ASB10: variants seen among roughly 807,000 people sequenced by gnomAD.
ASB10 encodes ankyrin repeat and SOCS box protein 10.
A neutral mutation model predicts 35.4 loss-of-function variants in ASB10; 44 were observed. The observed-to-expected ratio is 1.24, with a 90% CI of 0.98 to 1.60. The LOEUF (loss-of-function observed/expected upper bound fraction) is 1.60. ASB10 is among the 40% of genes most tolerant of loss of function. The pLI is 0.00. For missense variants in ASB10, 647 were observed against 634.3 expected, an observed-to-expected ratio of 1.02 and a Z score of -0.22; for synonymous variants, 294 against 280.4, an observed-to-expected ratio of 1.05 and a Z score of -0.49.
chr7:151,186,322 A>G (rs1563576110), intron 2 of ASB10, 70 bp downstream of exon 2: 3 of 1,483,986 alleles, frequency 2.0e-6, no homozygotes, highest in Non-Finnish European at 2.7e-6. Flanking sequence ...ATTTTCCCCC[A>G]TCCTCCCTGA....
At chr7:151,178,215 C>T (rs900822941) in intron 3 of ASB10, among the ~76,000 whole-genome samples, 8 of 151,986 alleles carry the variant, frequency 5.3e-5, no homozygotes, top group African/African-American at 1.5e-4. Flanking sequence ...TGCCACGGCA[C>T]GTGTGGGCGA....
upstream of ASB10, chr7:151,187,772 G>A: frequency 6.9e-7 from 1 of 1,449,474 alleles, no homozygotes; most frequent in Non-Finnish European, 9.1e-7. This position sits in a 1 kb window ranked among gnomAD's most constrained non-coding sequence, Gnocchi z 5.3. Flanking sequence ...GATGTTGCTG[G>A]TGGACTGGGC....
chr7:151,178,119 T>G (rs1801422766), intron 3 of ASB10, among the ~76,000 whole-genome samples: 1 of 152,192 alleles, frequency 6.6e-6, no homozygotes, highest in South Asian at 2.1e-4. Flanking sequence ...GGTAGTGGCA[T>G]GCACCTTTAA....
Position 151,186,547 on chromosome 7 carries a change from G to A in ASB10, c.429C>T (p.Asp143=), listed in dbSNP as rs908078235. 2.5e-6 allele frequency: 4 copies of A among 1,604,232 alleles called. No individual in the cohort carries two copies. Among genetic ancestry groups the A allele is most frequent in the East Asian group, 2.3e-5 (1 of 44,412 alleles). ...RLLLRRRARP[D]SAPGGRTALH... The stretch of plus-strand genomic sequence containing the variant: ...GGGCGGTGCGGCCCCCAGGGGCACT[G>A]TCTGGCCTTGCTCGCCGCCTCAGCA... Residue 143 remains aspartate (D), a synonymous_variant, in exon 2 of 6, where the codon GAC becomes GAT. Coordinates refer to ENST00000420175, the MANE Select transcript of ASB10 (RefSeq NM_001142459.2).
intron 2 of ASB10, among the ~76,000 whole-genome samples, chr7:151,181,863 C>T (rs1013947913): frequency 6.6e-6 from 1 of 152,164 alleles, no homozygotes; most frequent in Non-Finnish European, 1.5e-5. Context: ...ATCCACCTGC[C>T]TCGGCCTCCC....
At chr7:151,179,164 AG>A (rs1358882471) in intron 3 of ASB10, among the ~76,000 whole-genome samples, 2 of 152,262 alleles carry the variant, frequency 1.3e-5, no homozygotes, top group Non-Finnish European at 2.9e-5. Flanking sequence ...GTTAAGCACT[AG>A]GCTTGATGTG....
rs1027713259 is a variant in ASB10, at chr7:151,187,085, GC to G, written c.45del (p.Glu15AspfsTer91). 4.4e-6 allele frequency: 7 copies of G among 1,604,198 alleles called. No homozygotes were observed. In the African/African-American group the frequency reaches 8.0e-5, roughly 18 times the overall value. The part of the protein sequence containing the change: ...WSPEECKGQG[E>X]PLDDRHPLCA... The stretch of plus-strand genomic sequence containing the variant: ...CAGAGGGGGTGTCTGTCATCGAGGG[GC>G]TCTCCCTGCCCCTTGCACTCTTCTG... On this transcript the variant is annotated frameshift_variant, in exon 1 of 6. Transcript: ENST00000420175. LOFTEE classifies it high-confidence loss of function. This position sits in a 1 kb window ranked among gnomAD's most constrained non-coding sequence, Gnocchi z 5.3.
Position 151,186,428 on chromosome 7 carries a change from C to T in ASB10, c.548G>A (p.Arg183His), listed in dbSNP as rs1363117706. The change falls in exon 2 of 6, where the codon CGC (arginine) becomes CAC (histidine). Residue 183 changes from arginine (R) to histidine (H), a missense_variant. By Grantham distance (29) the Arg-to-His change is conservative. Transcript: ENST00000420175. ...DPNIADQDGK[R>H]PLHLCRGPGT... ...AGGCCCCCGGCAGAGATGCAGGGGG[C>T]GTTTCCCATCCTGGTCAGCGATGTT... The T allele has an allele frequency of 9.4e-6, 15 of 1,587,416 alleles. No homozygotes were observed. Among genetic ancestry groups the T allele is most frequent in the Admixed American group, 1.8e-5 (1 of 56,126 alleles).
upstream of ASB10, chr7:151,187,681 A>T: frequency 1.3e-6 from 2 of 1,503,674 alleles, no homozygotes; most frequent in Admixed American, 2.1e-5. The surrounding 1 kb of genome is among the most constrained non-coding windows in gnomAD (Gnocchi z 5.3). Flanking sequence ...GGCACCCCAG[A>T]TGGTGTCCCC....
At position 151,185,549 on chromosome 7, in the gene ASB10, C is replaced by G. The variant is rs566050220; in HGVS notation, c.584+843G>C. Among the ~76,000 whole-genome samples the G allele has an allele frequency of 5.3e-5, 8 of 152,252 alleles. No individual in the cohort carries two copies. In the South Asian group the frequency reaches 1.7e-3, roughly 32 times the overall value. On this transcript the variant is annotated intron_variant, in intron 2 of 5. Transcript: ENST00000420175. Reference sequence around the variant, plus strand: ...AGTATGATTAAGCCTGTGGAATCCTCTAGAGGCTGATGAGATTAACAAGAA... The same window carrying G: ...AGTATGATTAAGCCTGTGGAATCCTGTAGAGGCTGATGAGATTAACAAGAA...
Position 151,181,055 on chromosome 7 carries a change from G to T in ASB10, c.988C>A (p.Pro330Thr), listed in dbSNP as rs1000040994. The T allele has an allele frequency of 8.1e-6, 13 of 1,612,348 alleles. No individual in the cohort carries two copies. Among genetic ancestry groups the T allele is most frequent in the South Asian group, 3.3e-5 (3 of 91,080 alleles). ...ANTMDYGGHTPLHCALQGPAA... is the reference protein window; with the variant it reads ...ANTMDYGGHTTLHCALQGPAA... The stretch of plus-strand genomic sequence containing the variant: ...GGGCCCTGCAGAGCACAGTGCAGGG[G>T]CGTGTGTCCCCCATAGTCCATGGTG... Residue 330 changes from proline (P) to threonine (T), a missense_variant, in exon 3 of 6, where the codon CCC (proline) becomes ACC (threonine). Physicochemically the swap from Pro to Thr is conservative, Grantham distance 38. Coordinates refer to ENST00000420175, the MANE Select transcript of ASB10 (RefSeq NM_001142459.2).
chr7:151,176,364 G>C, intron 4 of ASB10, 67 bp from the exon 5 acceptor site: 1 of 1,502,422 alleles, frequency 6.7e-7, no homozygotes, highest in Non-Finnish European at 8.9e-7. Flanking sequence ...CCTCCTCACA[G>C]GGTAGGCTGG....
chr7:151,184,991 C>T (rs1366611403), intron 2 of ASB10, among the ~76,000 whole-genome samples: 2 of 151,954 alleles, frequency 1.3e-5, no homozygotes, highest in Non-Finnish European at 2.9e-5. Flanking sequence ...CACTGCACTC[C>T]AGCCTGGGCG....
At chr7:151,183,931 T>C (rs1265524859) in intron 2 of ASB10, among the ~76,000 whole-genome samples, 1 of 152,120 alleles carries the variant, frequency 6.6e-6, no homozygotes, top group Non-Finnish European at 1.5e-5. Flanking sequence ...ACTTTGGATA[T>C]GTTGTGTTAA....
chr7:151,176,540 T>G (rs1435554024), intron 4 of ASB10, 23 bp downstream of exon 4: 7 of 1,541,182 alleles, frequency 4.5e-6, no homozygotes, highest in Non-Finnish European at 6.1e-6. Context: ...AGAAGCTCTA[T>G]GTTCAGGGCC....
rs765243641 is a variant in ASB10 at position 151,181,066 on chromosome 7, C to T, written c.977G>A (p.Gly326Glu). The change falls in exon 3 of 6, where the codon GGG becomes GAG. Residue 326 changes from glycine (G) to glutamate (E), a missense_variant. By Grantham distance (98) the Gly-to-Glu change is moderately conservative. Coordinates refer to ENST00000420175, the MANE Select transcript of ASB10 (RefSeq NM_001142459.2). ...CGVSANTMDY[G>E]GHTPLHCALQ... Reference sequence around the variant, plus strand: ...AGCACAGTGCAGGGGCGTGTGTCCCCCATAGTCCATGGTGTTGGCGCTGAC... The same window carrying T: ...AGCACAGTGCAGGGGCGTGTGTCCCTCATAGTCCATGGTGTTGGCGCTGAC... 9 of 1,612,418 alleles carry T rather than the reference C, an allele frequency of 5.6e-6. No individual in the cohort carries two copies. Among genetic ancestry groups the T allele is most frequent in the African/African-American group, 1.3e-5 (1 of 74,930 alleles).
At position 151,187,225 on chromosome 7, in the gene ASB10, G is replaced by T. The variant is rs1801618050; in HGVS notation, c.-95C>A. The stretch of plus-strand genomic sequence containing the variant: ...GGAGGGAAATACAGACAGACAGAAG[G>T]CCCCTGTGTCCCACGCTCCGAGGCT... On this transcript the variant is annotated 5_prime_UTR_variant, in exon 1 of 6. Coordinates refer to ENST00000420175, the MANE Select transcript of ASB10 (RefSeq NM_001142459.2). This position sits in a 1 kb window ranked among gnomAD's most constrained non-coding sequence, Gnocchi z 5.3. 7 of 1,538,154 alleles carry T rather than the reference G, an allele frequency of 4.6e-6. No homozygotes were observed. The highest frequency in any genetic ancestry group is 1.4e-5 in the African/African-American group (1 of 72,932).
intron 2 of ASB10, among the ~76,000 whole-genome samples, chr7:151,182,206 G>A (rs1328479971): frequency 6.6e-6 from 1 of 152,176 alleles, no homozygotes; most frequent in Non-Finnish European, 1.5e-5. Context: ...TGGGGGATCT[G>A]CATGCTGGGA....
chr7:151,184,883 A>G (rs1020725420), intron 2 of ASB10, among the ~76,000 whole-genome samples: 276 of 151,606 alleles, frequency 1.8e-3, no homozygotes, highest in Admixed American at 4.5e-3. Flanking sequence ...TTAGCCAGGC[A>G]TGGTGGCGGG....
Sources: gnomAD v4.1 joint callset for allele counts (sites outside exome capture counted in the v4.1 genomes callset) on GRCh38, gnomAD v4.1.1 for gene constraint, Gnocchi (gnomAD v3.1) non-coding constraint, MANE v1.5 for transcripts, NCBI Gene and HGNC (gene_info 2026-07-23, HGNC 2026-07-21) for gene names.